Variants in TSC22D2 observed in about 807,000 individuals in gnomAD.
TSC22D2 encodes the protein TSC22 domain family member 2.
TSC22D2 carries 5 observed loss-of-function variants against 50.1 expected under a neutral mutation model. The ratio of observed to expected loss-of-function variants is 0.10; its 90% CI spans 0.05 to 0.21. The LOEUF is 0.21. Ranked by LOEUF, TSC22D2 falls within the 10% of genes least tolerant of loss-of-function variation. TSC22D2 has a pLI of 1.00. For synonymous variants in TSC22D2, 501 were observed against 450.1 expected (o/e 1.11, Z -1.43); for missense variants, 1,003 against 1,015.5 (o/e 0.99, Z 0.17).
Position 150,409,741 on chromosome 3 carries a change from C to T in TSC22D2, c.391C>T (p.Pro131Ser), listed in dbSNP as rs745904760. 304 of 1,601,182 alleles carry T rather than the reference C, an allele frequency of 1.9e-4. No individual in the cohort carries two copies. The highest frequency in any genetic ancestry group is 2.3e-4 in the Non-Finnish European group (267 of 1,177,904). The change falls in exon 1 of 3, where the codon CCC becomes TCC. Residue 131 changes from proline (P) to serine (S), a missense_variant. Transcript: ENST00000688009. The surrounding 1 kb of genome is among the most constrained non-coding windows in gnomAD (Gnocchi z 7.4). ...LAAAATSAPA[P>S]GAPGGPQLAG... ...GGCGGCTGCCACTTCGGCCCCCGCC[C>T]CCGGAGCACCCGGCGGCCCCCAGCT... is the stretch of plus-strand genomic sequence containing the variant.
At chr3:150,424,259 G>A (rs993249425) in intron 1 of TSC22D2, among the ~76,000 whole-genome samples, 1 of 152,156 alleles carries the variant, frequency 6.6e-6, no homozygotes, top group African/African-American at 2.4e-5. Context: ...AATGTAAATT[G>A]TGAGATGAGA....
rs140031561 is a variant in TSC22D2, at chr3:150,460,667, A to C, written c.*2031A>C. The C allele has an allele frequency of 4.6e-5, 7 of 152,280 alleles. No individual in the cohort carries two copies. The East Asian group carries it at 1.3e-3, about 29-fold the overall frequency. 9.4% of individuals were successfully genotyped at this position (152,280 alleles called of 1,614,324 possible). ...CAAGTAGAGCTGCTACAGGTGAGAT[A>C]CTTAATGGAATGTGAAACTTCACTG... On this transcript the variant is annotated 3_prime_UTR_variant, in exon 3 of 3. Transcript: ENST00000688009.
At chr3:150,425,316 G>C (rs1015917490) in intron 1 of TSC22D2, among the ~76,000 whole-genome samples, 3 of 152,182 alleles carry the variant, frequency 2.0e-5, no homozygotes, top group Admixed American at 6.5e-5. Context: ...CCTGAGGTCA[G>C]AAGTTCGAGA....
intron 1 of TSC22D2, among the ~76,000 whole-genome samples, chr3:150,420,658 T>C (rs1024894389): frequency 2.0e-5 from 3 of 152,236 alleles, no homozygotes; most frequent in Non-Finnish European, 4.4e-5. Context: ...ACTTAAGAGA[T>C]ATTGCACTAT....
At position 150,450,068 on chromosome 3, in the gene TSC22D2, G is replaced by A. The variant is rs558954194; in HGVS notation, c.1959-7008G>A. On this transcript the variant is annotated intron_variant, in intron 1 of 2. Coordinates refer to ENST00000688009, the MANE Select transcript of TSC22D2 (RefSeq NM_001303264.2). ...TAAATGTGTTTATTTAAAGTTCTTA[G>A]TACAGATGATAAGACTGACTCTAGA... 2.0e-5 allele frequency among the ~76,000 whole-genome samples: 3 copies of A among 152,142 alleles called. No individual in the cohort carries two copies. In the South Asian group the frequency reaches 6.2e-4, roughly 32 times the overall value.
chr3:150,409,533 G>C lies in TSC22D2; in HGVS notation c.183G>C (p.Glu61Asp). Residue 61 changes from glutamate (E) to aspartate (D), a missense_variant, in exon 1 of 3, where the codon GAG (glutamate) becomes GAC (aspartate). By Grantham distance (45) the Glu-to-Asp change is conservative (BLOSUM62 2). Transcript: ENST00000688009. This position sits in a 1 kb window ranked among gnomAD's most constrained non-coding sequence, Gnocchi z 7.4. ...VSRATDYGPE[E>D]VCERSSSEET... ...GGGCCACGGATTATGGCCCTGAGGA[G>C]GTCTGCGAGCGCAGCTCTTCCGAAG... 1 of 1,607,412 alleles carries C rather than the reference G, an allele frequency of 6.2e-7. No homozygotes were observed. The highest frequency in any genetic ancestry group is 8.5e-7 in the Non-Finnish European group (1 of 1,174,896).
At chr3:150,443,483 A>G (rs1439734174) in intron 1 of TSC22D2, among the ~76,000 whole-genome samples, 1 of 152,232 alleles carries the variant, frequency 6.6e-6, no homozygotes, top group East Asian at 1.9e-4. Flanking sequence ...AGAGATCACA[A>G]GGACGTTTCT....
chr3:150,412,175 A>G (rs925618312), intron 1 of TSC22D2, among the ~76,000 whole-genome samples: 7 of 152,262 alleles, frequency 4.6e-5, no homozygotes, highest in Admixed American at 3.9e-4. Context: ...GTTATGGTTT[A>G]GTGAGGATTT....
intron 1 of TSC22D2, among the ~76,000 whole-genome samples, chr3:150,440,494 A>G (rs1406770974): frequency 6.6e-6 from 1 of 152,004 alleles, no homozygotes; most frequent in African/African-American, 2.4e-5. Context: ...TTAGAATAGT[A>G]TTATTAAGGA....
At chr3:150,452,462 G>C (rs954944612) in intron 1 of TSC22D2, among the ~76,000 whole-genome samples, 3 of 151,948 alleles carry the variant, frequency 2.0e-5, no homozygotes, top group Non-Finnish European at 4.4e-5. Context: ...AAAAAAGAGA[G>C]AGAGATTAAA....
intron 1 of TSC22D2, among the ~76,000 whole-genome samples, chr3:150,416,902 A>ATTAGTATTTAGTATTTAGTATTAGTATT (rs1357653097): frequency 9.2e-5 from 14 of 152,166 alleles, no homozygotes; most frequent in Non-Finnish European, 1.0e-4. Flanking sequence ...TCAGACTTAA[A>ATTAGTATTTAGTATTTAGTATTAGTATT]TAATTAGTAT....
chr3:150,457,485 G>A (rs1331951036), intron 2 of TSC22D2, among the ~76,000 whole-genome samples: 1 of 152,142 alleles, frequency 6.6e-6, no homozygotes, highest in African/African-American at 2.4e-5. Context: ...AGGTCTGATT[G>A]AAGTAGACTG....
intron 1 of TSC22D2, among the ~76,000 whole-genome samples, chr3:150,450,255 C>G (rs1052553587): frequency 1.3e-5 from 2 of 151,992 alleles, no homozygotes; most frequent in Non-Finnish European, 2.9e-5. Flanking sequence ...CAATAAATAT[C>G]AATATATAAA....
rs114595243 is a variant in TSC22D2, at chr3:150,414,702, A to G, written c.1958+3394A>G. 9.4e-3 allele frequency among the ~76,000 whole-genome samples: 1,425 copies of G among 152,168 alleles called. 16 individuals are homozygous for G. The highest frequency in any genetic ancestry group is 0.032 in the African/African-American group (1,339 of 41,488). ...AAATACACATTTTGTTTGTACATTT[A>G]TATATATTTTAAACCAAATTCTGCT... On this transcript the variant is annotated intron_variant, in intron 1 of 2. Transcript: ENST00000688009.
intron 1 of TSC22D2, among the ~76,000 whole-genome samples, chr3:150,454,967 C>CA (rs145632830): frequency 0.14 from 20,485 of 150,116 alleles, 1,749 homozygotes; most frequent in East Asian, 0.34. Context: ...TTTTAATTAT[C>CA]AAAAAAAAAC....
chr3:150,453,969 C>A (rs1721117656), intron 1 of TSC22D2, among the ~76,000 whole-genome samples: 1 of 152,092 alleles, frequency 6.6e-6, no homozygotes, highest in African/African-American at 2.4e-5. Context: ...CTCATTTAAT[C>A]CTCACAATTG....
At chr3:150,446,656 A>G (rs767239058) in intron 1 of TSC22D2, among the ~76,000 whole-genome samples, 28 of 152,278 alleles carry the variant, frequency 1.8e-4, no homozygotes, top group South Asian at 1.0e-3. Context: ...TCATTAAGGA[A>G]TGATGGCCAT....
chr3:150,424,470 T>C (rs927576712), intron 1 of TSC22D2, among the ~76,000 whole-genome samples: 1 of 152,176 alleles, frequency 6.6e-6, no homozygotes, highest in Non-Finnish European at 1.5e-5. Flanking sequence ...GTGAATGATA[T>C]ATATTATTTT....
At chr3:150,411,386 T>G in intron 1 of TSC22D2, 78 bp downstream of exon 1, 11 of 1,444,906 alleles carry the variant, frequency 7.6e-6, no homozygotes, top group Non-Finnish European at 1.0e-5. Flanking sequence ...TTTGGGAGAT[T>G]GTTGTCAACG....
Sources: gnomAD v4.1 joint callset for allele counts (sites outside exome capture counted in the v4.1 genomes callset) on GRCh38, gnomAD v4.1.1 for gene constraint, Gnocchi (gnomAD v3.1) non-coding constraint, MANE v1.5 for transcripts, NCBI Gene and HGNC (gene_info 2026-07-23, HGNC 2026-07-21) for gene names.